Variants in FBXW7 observed in about 807,000 individuals in gnomAD.
FBXW7 encodes F-box and WD repeat domain containing 7.
A neutral mutation model predicts 86.3 loss-of-function variants in FBXW7; 11 were observed. That is an observed-to-expected ratio of 0.13 (90% CI 0.08 to 0.21). FBXW7 has a LOEUF of 0.21. FBXW7 is among the 10% of genes least tolerant of loss of function. FBXW7 has a pLI of 1.00. For synonymous variants in FBXW7, 313 were observed against 297.9 expected (o/e 1.05, Z -0.52); for missense variants, 488 against 847.4 (o/e 0.58, Z 5.27).
intron 2 of FBXW7, among the ~76,000 whole-genome samples, chr4:152,505,516 T>C (rs1272209719): frequency 6.6e-6 from 1 of 152,184 alleles, no homozygotes; most frequent in African/African-American, 2.4e-5. Flanking sequence ...TTTTCCTGTT[T>C]TAAAAAAAAT....
intron 2 of FBXW7, among the ~76,000 whole-genome samples, chr4:152,515,753 C>CT (rs79255425): frequency 0.023 from 2,948 of 129,652 alleles, 46 homozygotes; most frequent in East Asian, 0.05. Context: ...CCACAACTCT[C>CT]TTTTTTTTTT....
chr4:152,411,134 T>C, intron 4 of FBXW7, 169 bp downstream of exon 4: 1 of 1,073,566 alleles, frequency 9.3e-7, no homozygotes, highest in Non-Finnish European at 1.3e-6. Flanking sequence ...TCAGTATTTC[T>C]ACTTGTAATA....
chr4:152,332,495 T>A, intron 8 of FBXW7, 101 bp downstream of exon 8: 1 of 1,183,912 alleles, frequency 8.4e-7, no homozygotes, highest in South Asian at 2.2e-5. Context: ...GTGGATTTTA[T>A]CATAAGTAGC....
chr4:152,397,666 G>T (rs2126829056), intron 4 of FBXW7, among the ~76,000 whole-genome samples: 1 of 112,874 alleles, frequency 8.9e-6, no homozygotes, highest in East Asian at 3.0e-4. Flanking sequence ...CCTGTAAGTT[G>T]TATTTCTCAT....
chr4:152,440,360 C>A (rs1045393982), intron 2 of FBXW7, among the ~76,000 whole-genome samples: 3 of 152,154 alleles, frequency 2.0e-5, no homozygotes, highest in African/African-American at 7.2e-5. Context: ...GAAAGCAGTA[C>A]ATACTGTCCC....
intron 2 of FBXW7, among the ~76,000 whole-genome samples, chr4:152,484,690 G>A (rs530343415): frequency 2.0e-5 from 3 of 152,218 alleles, no homozygotes; most frequent in African/African-American, 7.2e-5. Flanking sequence ...GAATGGGTAC[G>A]GTAGCTCATG....
At chr4:152,464,274 G>C (rs1029730022) in intron 2 of FBXW7, among the ~76,000 whole-genome samples, 1 of 152,190 alleles carries the variant, frequency 6.6e-6, no homozygotes, top group South Asian at 2.1e-4. Context: ...TACTTTTCAA[G>C]ATTAAGTCTG....
intron 2 of FBXW7, among the ~76,000 whole-genome samples, chr4:152,461,074 A>G (rs1041166426): frequency 2.0e-5 from 3 of 152,048 alleles, no homozygotes; most frequent in Non-Finnish European, 4.4e-5. Context: ...TGAGGTCGGG[A>G]GGGAGTTCAA....
chr4:152,511,292 G>GCCC (rs371477693), intron 2 of FBXW7, among the ~76,000 whole-genome samples: 4 of 88,666 alleles, frequency 4.5e-5, no homozygotes, highest in South Asian at 7.0e-4. Context: ...ACAGCCCCCC[G>GCCC]CCCCCCCCAC....
intron 4 of FBXW7, among the ~76,000 whole-genome samples, chr4:152,375,873 CTG>C (rs141572619): frequency 0.016 from 2,441 of 152,104 alleles, 74 homozygotes; most frequent in African/African-American, 0.056. Context: ...TTGTAGAAAT[CTG>C]TGTACAGTGA....
chr4:152,337,213 A>G (rs1730221056), intron 7 of FBXW7, among the ~76,000 whole-genome samples: 1 of 151,960 alleles, frequency 6.6e-6, no homozygotes, highest in African/African-American at 2.4e-5. Flanking sequence ...AAGTGCTGTT[A>G]GCATGTAATT....
chr4:152,376,967 C>CA (rs887691300), intron 4 of FBXW7, among the ~76,000 whole-genome samples: 175 of 151,848 alleles, frequency 1.2e-3, no homozygotes, highest in African/African-American at 4.1e-3. Context: ...AGGGATTACA[C>CA]AAAAAATTTT....
rs1209321795 is a variant in FBXW7, at chr4:152,458,247, C to T, written c.-119-45718G>A. 3.9e-5 allele frequency among the ~76,000 whole-genome samples: 6 copies of T among 152,002 alleles called. No individual in the cohort carries two copies. In the South Asian group the frequency reaches 6.2e-4, roughly 16 times the overall value. ...GTTGGCCAGGCTGGTCTTGAACTCC[C>T]GACCTCGTGATCCGCCCGCCTCAGC... is the stretch of plus-strand genomic sequence containing the variant. On this transcript the variant is annotated intron_variant, in intron 2 of 13. Coordinates refer to ENST00000281708, the MANE Select transcript of FBXW7 (RefSeq NM_001349798.2).
At chr4:152,384,876 GC>G (rs1002621611) in intron 4 of FBXW7, among the ~76,000 whole-genome samples, 2 of 151,978 alleles carry the variant, frequency 1.3e-5, no homozygotes, top group Non-Finnish European at 2.9e-5. Context: ...CATGTCTACA[GC>G]CCTATGAGAC....
intron 2 of FBXW7, among the ~76,000 whole-genome samples, chr4:152,418,507 A>G (rs995084092): frequency 1.3e-5 from 2 of 152,076 alleles, no homozygotes; most frequent in Admixed American, 6.6e-5. Context: ...GGAGCTGCAG[A>G]AAAAAAACTG....
chr4:152,533,893 C>A (rs2149753820), intron 2 of FBXW7, among the ~76,000 whole-genome samples: 1 of 152,318 alleles, frequency 6.6e-6, no homozygotes, highest in East Asian at 1.9e-4. Context: ...GGCTTACATT[C>A]ATTCCCACAA....
intron 7 of FBXW7, among the ~76,000 whole-genome samples, chr4:152,334,331 A>C (rs1178347833): frequency 6.6e-6 from 1 of 152,132 alleles, no homozygotes; most frequent in Admixed American, 6.6e-5. Flanking sequence ...GATACTCCAA[A>C]AGCTACTTAA....
rs1732001680 is a variant in FBXW7, at chr4:152,352,979, G to GACC, written c.502-2856_502-2855insGGT. On this transcript the variant is annotated intron_variant, in intron 4 of 13. Coordinates refer to ENST00000281708, the MANE Select transcript of FBXW7 (RefSeq NM_001349798.2). ...GTAAGAACACAACGCACTGAACAGA[G>GACC]GGAGGATGTGGGCAGCAGAGACCGC... The GACC allele has an allele frequency of 6.1e-6, 8 of 1,321,586 alleles. No individual in the cohort carries two copies. The South Asian group carries it at 1.9e-4, about 31-fold the overall frequency. The allele number at this position is 1,321,586 out of a possible 1,614,324, so 81.9% of individuals were successfully genotyped here.
chr4:152,421,037 A>G (rs570665292), intron 2 of FBXW7, among the ~76,000 whole-genome samples: 3 of 152,230 alleles, frequency 2.0e-5, no homozygotes, highest in Non-Finnish European at 4.4e-5. Context: ...ATCTACATTG[A>G]AAATCTTTTA....
Sources: gnomAD v4.1 joint callset for allele counts (sites outside exome capture counted in the v4.1 genomes callset) on GRCh38, gnomAD v4.1.1 for gene constraint, MANE v1.5 for transcripts, NCBI Gene and HGNC (gene_info 2026-07-23, HGNC 2026-07-21) for gene names.